Variants in PAK5 observed in about 807,000 individuals in gnomAD.
The protein encoded by PAK5 is serine/threonine-protein kinase PAK 5.
A neutral mutation model predicts 65.9 loss-of-function variants in PAK5; 16 were observed. The ratio of observed to expected loss-of-function variants is 0.24; its 90% CI spans 0.16 to 0.37. The LOEUF is 0.37. Ranked by LOEUF, PAK5 falls within the 10% of genes least tolerant of loss-of-function variation. The pLI is 1.00. For synonymous variants in PAK5, 371 were observed against 354.9 expected (o/e 1.05, Z -0.51); for missense variants, 785 against 903.9 (o/e 0.87, Z 1.69).
At chr20:9,596,281 C>A (rs547328445) in intron 3 of PAK5, among the ~76,000 whole-genome samples, 5 of 152,138 alleles carry the variant, frequency 3.3e-5, no homozygotes, top group African/African-American at 9.7e-5. Context: ...TAGGAAAATA[C>A]TACCCCACTG....
At chr20:9,773,956 G>A (rs959234153) in intron 1 of PAK5, among the ~76,000 whole-genome samples, 4 of 152,162 alleles carry the variant, frequency 2.6e-5, no homozygotes, top group Non-Finnish European at 5.9e-5. Flanking sequence ...ACTGGACAGA[G>A]CACTGGACAG....
chr20:9,768,048 T>G (rs976206217), intron 1 of PAK5, among the ~76,000 whole-genome samples: 4 of 152,200 alleles, frequency 2.6e-5, no homozygotes, highest in Non-Finnish European at 5.9e-5. Context: ...TAAAATCCTC[T>G]TATAGAAACA....
At chr20:9,563,260 G>A (rs1402178359) in intron 5 of PAK5, among the ~76,000 whole-genome samples, 1 of 152,170 alleles carries the variant, frequency 6.6e-6, no homozygotes, top group East Asian at 1.9e-4. Context: ...GAGACACAGA[G>A]AGAAAATGAA....
At position 9,549,945 on chromosome 20, in the gene PAK5, T is replaced by C. The variant is rs547302596; in HGVS notation, c.1744-5451A>G. ...GAGAAAGGCACAGACCACAGACAGT[T>C]TCTATGAATCCATGTTTTTCATTTC... On this transcript the variant is annotated intron_variant, in intron 7 of 9. Transcript: ENST00000353224. Among the ~76,000 whole-genome samples, 5 of 152,292 alleles carry C rather than the reference T, an allele frequency of 3.3e-5. No homozygotes were observed. The South Asian group carries it at 1.0e-3, about 32-fold the overall frequency.
intron 7 of PAK5, among the ~76,000 whole-genome samples, chr20:9,552,084 C>T (rs1428625824): frequency 6.6e-6 from 1 of 152,182 alleles, no homozygotes; most frequent in Non-Finnish European, 1.5e-5. Flanking sequence ...AATCCAGGCA[C>T]AGTGTTGCCA....
At chr20:9,746,999 G>A (rs963203911) in intron 1 of PAK5, among the ~76,000 whole-genome samples, 4 of 151,796 alleles carry the variant, frequency 2.6e-5, no homozygotes, top group Non-Finnish European at 5.9e-5. Context: ...ATGGTAAAGG[G>A]GATATCACCA....
At chr20:9,601,229 T>C (rs6056740) in intron 3 of PAK5, among the ~76,000 whole-genome samples, 46,523 of 152,060 alleles carry the variant, frequency 0.31, 9,339 homozygotes, top group African/African-American at 0.55. Context: ...ATTGCCTTAA[T>C]TTCATGTGTA....
chr20:9,679,031 T>C (rs1009088666), intron 2 of PAK5, among the ~76,000 whole-genome samples: 1 of 152,174 alleles, frequency 6.6e-6, no homozygotes, highest in Non-Finnish European at 1.5e-5. Context: ...TTCTTCCACC[T>C]CTGCTACCCC....
At chr20:9,805,493 G>A (rs1445739525) in intron 1 of PAK5, among the ~76,000 whole-genome samples, 3 of 152,112 alleles carry the variant, frequency 2.0e-5, no homozygotes, top group African/African-American at 7.2e-5. Flanking sequence ...AATGATGAAT[G>A]GATAAACAAG....
chr20:9,539,990 C>T lies in PAK5; in HGVS notation c.2005-373G>A, dbSNP rs536038634. On this transcript the variant is annotated intron_variant, in intron 9 of 9. Transcript: ENST00000353224. ...GGGAGCCGTTTTATTTTTCTAACAACTGCAACCACACAGGCTCTGTGGAAC... is the reference window on the plus strand; with the variant it reads ...GGGAGCCGTTTTATTTTTCTAACAATTGCAACCACACAGGCTCTGTGGAAC... 3.3e-5 allele frequency among the ~76,000 whole-genome samples: 5 copies of T among 152,228 alleles called. No individual in the cohort carries two copies. In the East Asian group the frequency reaches 9.7e-4, roughly 29 times the overall value.
chr20:9,731,545 T>C (rs2048335168), intron 1 of PAK5, among the ~76,000 whole-genome samples: 1 of 152,204 alleles, frequency 6.6e-6, no homozygotes, highest in Admixed American at 6.5e-5. Context: ...ACTGTGATGG[T>C]TAAAGGATCT....
intron 1 of PAK5, among the ~76,000 whole-genome samples, chr20:9,793,484 G>A (rs1038763329): frequency 2.6e-5 from 4 of 152,034 alleles, no homozygotes; most frequent in African/African-American, 7.2e-5. Context: ...AAAAAGACAA[G>A]AATTCATATC....
chr20:9,720,779 A>C (rs950963900), intron 1 of PAK5, among the ~76,000 whole-genome samples: 6 of 152,212 alleles, frequency 3.9e-5, no homozygotes, highest in African/African-American at 1.4e-4. Context: ...AACAGAAAAA[A>C]GAATAAAGTA....
intron 1 of PAK5, among the ~76,000 whole-genome samples, chr20:9,715,138 T>A (rs970936522): frequency 5.3e-4 from 81 of 152,254 alleles, no homozygotes; most frequent in African/African-American, 1.8e-3. Flanking sequence ...AATTTTGCAA[T>A]CTACTCATTT....
chr20:9,640,379 A>G (rs902375646), intron 3 of PAK5, among the ~76,000 whole-genome samples: 1 of 151,916 alleles, frequency 6.6e-6, no homozygotes, highest in Admixed American at 6.6e-5. Context: ...TGTCCCTACA[A>G]AGGACATGAA....
chr20:9,663,516 A>G (rs1037443806), intron 2 of PAK5, among the ~76,000 whole-genome samples: 2 of 152,292 alleles, frequency 1.3e-5, no homozygotes, highest in East Asian at 1.9e-4. Context: ...TAATACTACT[A>G]TTTAATTTGG....
At chr20:9,616,731 G>T (rs2046664566) in intron 3 of PAK5, among the ~76,000 whole-genome samples, 1 of 152,182 alleles carries the variant, frequency 6.6e-6, no homozygotes, top group African/African-American at 2.4e-5. Context: ...GCCAAGCAAA[G>T]CATGCGTCCT....
At chr20:9,793,154 G>T (rs1600380628) in intron 1 of PAK5, among the ~76,000 whole-genome samples, 1 of 152,104 alleles carries the variant, frequency 6.6e-6, no homozygotes, top group East Asian at 1.9e-4. Context: ...TCTTTCTTTG[G>T]AGCTGACTTT....
intron 2 of PAK5, among the ~76,000 whole-genome samples, chr20:9,664,893 T>C (rs2047392989): frequency 6.6e-6 from 1 of 152,038 alleles, no homozygotes; most frequent in Non-Finnish European, 1.5e-5. Flanking sequence ...AAAAAATGGG[T>C]ATGGCAGGCA....
Sources: allele counts gnomAD v4.1 joint callset (sites outside exome capture counted in the v4.1 genomes callset), GRCh38; gene constraint gnomAD v4.1.1; transcripts MANE v1.5; gene names NCBI Gene and HGNC (gene_info 2026-07-23, HGNC 2026-07-21).